The following TENM2 variants were observed in gnomAD, a reference collection of about 807,000 sequenced individuals.
TENM2 encodes the protein teneurin-2.
TENM2 carries 52 observed loss-of-function variants against 245.2 expected under a neutral mutation model. That is an observed-to-expected ratio of 0.21 (90% confidence interval 0.17 to 0.27). The LOEUF (loss-of-function observed/expected upper bound fraction) is 0.27. TENM2 is among the 10% of genes least tolerant of loss of function. The pLI, the probability that TENM2 is intolerant of heterozygous loss-of-function variation, is 1.00. For synonymous variants in TENM2, 1,363 were observed against 1,438.9 expected (o/e 0.95, Z 1.19); for missense variants, 3,046 against 3,666.8 (o/e 0.83, Z 4.37).
chr5:167,136,803 A>G, the TENM2 span, among the ~76,000 whole-genome samples: 1 of 152,208 alleles, frequency 6.6e-6, no homozygotes, highest in Non-Finnish European at 1.5e-5. Context: ...ATGATAATGG[A>G]CATATGATAC....
At chr5:167,695,654 A>G (rs1017776914) in intron 2 of TENM2, among the ~76,000 whole-genome samples, 1 of 151,690 alleles carries the variant, frequency 6.6e-6, no homozygotes. Context: ...AACTTTTTAC[A>G]TTTTATTTTA....
intron 2 of TENM2, among the ~76,000 whole-genome samples, chr5:167,385,854 ATATGTG>A (rs1342171868): frequency 1.1e-3 from 145 of 130,180 alleles, no homozygotes; most frequent in African/African-American, 3.7e-3. Flanking sequence ...CATTATATAT[ATATGTG>A]TGTGTGTGTG....
chr5:167,769,359 TG>T (rs1763251088), intron 2 of TENM2, among the ~76,000 whole-genome samples: 1 of 152,220 alleles, frequency 6.6e-6, no homozygotes, highest in African/African-American at 2.4e-5. Flanking sequence ...ATTGAATGTA[TG>T]TAGTTACATT....
At chr5:167,564,552 A>C (rs1773783181) in intron 2 of TENM2, among the ~76,000 whole-genome samples, 1 of 152,292 alleles carries the variant, frequency 6.6e-6, no homozygotes, top group Admixed American at 6.5e-5. Context: ...GGGATGTATC[A>C]GTAATTTATT....
chr5:168,160,731 C>A (rs1757673060), intron 12 of TENM2, among the ~76,000 whole-genome samples: 1 of 152,132 alleles, frequency 6.6e-6, no homozygotes, highest in South Asian at 2.1e-4. Flanking sequence ...TTTAAATTCC[C>A]ACCACTGGCC....
chr5:167,353,675 T>G (rs1344297418), intron 1 of TENM2, among the ~76,000 whole-genome samples: 2 of 151,378 alleles, frequency 1.3e-5, no homozygotes, highest in African/African-American at 4.9e-5. Context: ...GCCCGGCTAA[T>G]TTTTTGTATT....
At chr5:167,007,262 T>C in the TENM2 span, among the ~76,000 whole-genome samples, 1 of 152,178 alleles carries the variant, frequency 6.6e-6, no homozygotes, top group African/African-American at 2.4e-5. This position sits in a 1 kb window ranked among gnomAD's most constrained non-coding sequence, Gnocchi z 4.2. Context: ...ATCACAAATA[T>C]AAACATAAGT....
chr5:167,823,662 A>G (rs1767725111), intron 2 of TENM2, among the ~76,000 whole-genome samples: 1 of 152,174 alleles, frequency 6.6e-6, no homozygotes, highest in Non-Finnish European at 1.5e-5. Context: ...TCAGAGAGAA[A>G]TGTCATATTC....
In TENM2 at chr5:168,125,263, C is replaced by A. The variant is rs527539848; in HGVS notation, c.2209+213C>A. ...AAAAGCACTGGGTTGGTACCATCAC[C>A]GCAAATGCATGAGGAGCCCAGGAGG... On this transcript the variant is annotated intron_variant, in intron 11 of 28. Transcript: ENST00000518659. Among the ~76,000 whole-genome samples the A allele has an allele frequency of 8.5e-5, 13 of 152,226 alleles. No individual in the cohort carries two copies. In the South Asian group the frequency reaches 2.7e-3, roughly 32 times the overall value.
intron 4 of TENM2, among the ~76,000 whole-genome samples, chr5:167,958,073 T>A (rs1158158709): frequency 6.6e-6 from 1 of 152,184 alleles, no homozygotes; most frequent in Non-Finnish European, 1.5e-5. Context: ...GACAGTGAGG[T>A]GTTAAAGTCA....
At chr5:168,125,869 G>A (rs1795813099) in intron 11 of TENM2, among the ~76,000 whole-genome samples, 1 of 152,160 alleles carries the variant, frequency 6.6e-6, no homozygotes, top group African/African-American at 2.4e-5. Flanking sequence ...ATGATGGGAG[G>A]AGGCAGGGGT....
exon 6 of TENM2, chr5:168,047,537 T>C: frequency 6.4e-7 from 1 of 1,551,682 alleles, no homozygotes; most frequent in Non-Finnish European, 8.7e-7. Context: ...AACAATGCCA[T>C]CTGGAGGCAA....
At chr5:168,014,730 A>G (rs745485816) in intron 5 of TENM2, among the ~76,000 whole-genome samples, 1 of 152,186 alleles carries the variant, frequency 6.6e-6, no homozygotes, top group Non-Finnish European at 1.5e-5. Context: ...AATGAAATGG[A>G]AGGATTCCCA....
At chr5:168,188,898 G>A (rs2152506424) in intron 13 of TENM2, among the ~76,000 whole-genome samples, 1 of 152,270 alleles carries the variant, frequency 6.6e-6, no homozygotes, top group African/African-American at 2.4e-5. Flanking sequence ...ATTCCTAACT[G>A]TCTTGGTCAG....
At chr5:167,921,952 A>G (rs946092265) in intron 3 of TENM2, among the ~76,000 whole-genome samples, 1 of 152,202 alleles carries the variant, frequency 6.6e-6, no homozygotes, top group Non-Finnish European at 1.5e-5. Context: ...GCCAGGATGC[A>G]CAATCACACT....
At chr5:168,063,797 C>G (rs1445721717) in intron 7 of TENM2, among the ~76,000 whole-genome samples, 1 of 152,156 alleles carries the variant, frequency 6.6e-6, no homozygotes, top group Non-Finnish European at 1.5e-5. Context: ...CAAGATGAAA[C>G]TGATTTGCAA....
At chr5:167,705,186 C>G (rs1758420799) in intron 2 of TENM2, among the ~76,000 whole-genome samples, 1 of 152,162 alleles carries the variant, frequency 6.6e-6, no homozygotes, top group East Asian at 1.9e-4. Flanking sequence ...AAAACTTTGT[C>G]CCTATAGTAA....
chr5:167,884,710 G>A (rs1326560810), intron 3 of TENM2, among the ~76,000 whole-genome samples: 2 of 152,136 alleles, frequency 1.3e-5, no homozygotes, highest in African/African-American at 4.8e-5. Context: ...AATGCTGCTA[G>A]GAATATTGGT....
intron 2 of TENM2, among the ~76,000 whole-genome samples, chr5:167,753,006 T>C (rs1447837399): frequency 1.3e-5 from 2 of 152,158 alleles, no homozygotes; most frequent in East Asian, 1.9e-4. Context: ...GGTTGGCTAT[T>C]TGAACGAGAA....
Sources: gnomAD v4.1 joint callset for allele counts (sites outside exome capture counted in the v4.1 genomes callset) on GRCh38, gnomAD v4.1.1 for gene constraint, Gnocchi (gnomAD v3.1) non-coding constraint, MANE v1.5 for transcripts, NCBI Gene and HGNC (gene_info 2026-07-23, HGNC 2026-07-21) for gene names.